C1orf21: variants seen among roughly 807,000 people sequenced by gnomAD.
C1orf21 encodes chromosome 1 open reading frame 21, also known as uncharacterized protein C1orf21.
A neutral mutation model predicts 18.7 loss-of-function variants in C1orf21; 3 were observed. The ratio of observed to expected loss-of-function variants is 0.16; its 90% CI spans 0.07 to 0.42. The LOEUF (loss-of-function observed/expected upper bound fraction) is 0.42, where lower values mean the gene tolerates loss of function less well. C1orf21 is among the 10% of genes least tolerant of loss of function. The pLI is 0.99. For missense variants in C1orf21, 104 were observed against 143.6 expected, an observed-to-expected ratio of 0.72 and a Z score of 1.41; for synonymous variants, 41 against 46.4, an observed-to-expected ratio of 0.88 and a Z score of 0.47.
chr1:184,604,050 G>C (rs1236839181), intron 5 of C1orf21, among the ~76,000 whole-genome samples: 1 of 152,162 alleles, frequency 6.6e-6, no homozygotes, highest in East Asian at 1.9e-4. Flanking sequence ...ATCAGAAGAC[G>C]TTTGCTTTTC....
intron 3 of C1orf21, among the ~76,000 whole-genome samples, chr1:184,527,139 C>T (rs923520230): frequency 2.6e-5 from 4 of 152,180 alleles, no homozygotes; most frequent in Non-Finnish European, 4.4e-5. Flanking sequence ...AATACCATGT[C>T]CTGATGCTTA....
chr1:184,534,279 A>G (rs1459963563), intron 3 of C1orf21, among the ~76,000 whole-genome samples: 1 of 152,228 alleles, frequency 6.6e-6, no homozygotes, highest in East Asian at 1.9e-4. Context: ...AGGGAAAAAG[A>G]AAAGCTCAGA....
chr1:184,410,620 TATATA>T (rs1656319935), intron 1 of C1orf21, among the ~76,000 whole-genome samples: 2 of 4,394 alleles, frequency 4.6e-4, no homozygotes, highest in Non-Finnish European at 6.0e-4. Flanking sequence ...ATATATATTA[TATATA>T]TATATATATA....
intron 1 of C1orf21, among the ~76,000 whole-genome samples, chr1:184,472,403 T>C (rs1471983908): frequency 1.3e-5 from 2 of 152,200 alleles, no homozygotes; most frequent in Non-Finnish European, 2.9e-5. Flanking sequence ...AGAATTTCTT[T>C]ATGGAATGTA....
At chr1:184,540,418 G>GT (rs1340437557) in intron 3 of C1orf21, among the ~76,000 whole-genome samples, 3 of 151,298 alleles carry the variant, frequency 2.0e-5, no homozygotes, top group Admixed American at 6.6e-5. Context: ...GGCTATAGGA[G>GT]TTTTTTTTGT....
At chr1:184,475,164 A>G (rs1657550652) in intron 1 of C1orf21, among the ~76,000 whole-genome samples, 1 of 152,154 alleles carries the variant, frequency 6.6e-6, no homozygotes, top group African/African-American at 2.4e-5. Flanking sequence ...AAAAACTATG[A>G]CAGGTTGACA....
At position 184,473,440 on chromosome 1, in the gene C1orf21, A is replaced by C. The variant is rs1048077724; in HGVS notation, c.-124-3946A>C. Among the ~76,000 whole-genome samples, 4 of 152,200 alleles carry C rather than the reference A, an allele frequency of 2.6e-5. No individual in the cohort carries two copies. In the South Asian group the frequency reaches 8.3e-4, roughly 32 times the overall value. On this transcript the variant is annotated intron_variant, in intron 1 of 5. Transcript: ENST00000235307. ...ATGTGAGGTTGGGAGAGAAAAGCTG[A>C]GCAAAGCGAATGAAAAAATGGAAGC...
chr1:184,450,252 C>T (rs1657102031), intron 1 of C1orf21, among the ~76,000 whole-genome samples: 1 of 152,106 alleles, frequency 6.6e-6, no homozygotes, highest in African/African-American at 2.4e-5. Flanking sequence ...GAGCACGCCA[C>T]CACACTGAAT....
chr1:184,539,527 C>T (rs1658613715), intron 3 of C1orf21, among the ~76,000 whole-genome samples: 1 of 152,156 alleles, frequency 6.6e-6, no homozygotes, highest in Admixed American at 6.5e-5. Flanking sequence ...TAAATGTTTC[C>T]TCTTCTTCAG....
At chr1:184,439,327 G>C (rs761078807) in intron 1 of C1orf21, among the ~76,000 whole-genome samples, 2 of 151,688 alleles carry the variant, frequency 1.3e-5, no homozygotes, top group Non-Finnish European at 2.9e-5. Flanking sequence ...CCACTCATTG[G>C]CTGTTTCACC....
At chr1:184,426,341 T>C (rs1361380204) in intron 1 of C1orf21, among the ~76,000 whole-genome samples, 1 of 152,160 alleles carries the variant, frequency 6.6e-6, no homozygotes, top group East Asian at 1.9e-4. Context: ...CCCTCTAATT[T>C]ATTCTGCAAG....
intron 3 of C1orf21, among the ~76,000 whole-genome samples, chr1:184,574,919 G>C (rs757562471): frequency 6.6e-6 from 1 of 152,184 alleles, no homozygotes; most frequent in Admixed American, 6.5e-5. Flanking sequence ...AGCTCAGCTC[G>C]GGTGTCTTAG....
intron 3 of C1orf21, among the ~76,000 whole-genome samples, chr1:184,513,874 C>T (rs186133096): frequency 7.9e-4 from 120 of 152,308 alleles, no homozygotes; most frequent in African/African-American, 2.8e-3. Context: ...AAGGTCTTTA[C>T]GTTCCCTCTT....
chr1:184,538,862 AT>A (rs1658600674), intron 3 of C1orf21, among the ~76,000 whole-genome samples: 1 of 152,198 alleles, frequency 6.6e-6, no homozygotes, highest in African/African-American at 2.4e-5. Context: ...TAATTTTGTA[AT>A]TAAGTCATTT....
At chr1:184,449,217 A>C (rs1571363017) in intron 1 of C1orf21, among the ~76,000 whole-genome samples, 1 of 138,894 alleles carries the variant, frequency 7.2e-6, no homozygotes, top group Admixed American at 7.9e-5. Context: ...ACCCTACAAC[A>C]GGCCCCGGTG....
At chr1:184,498,872 T>C (rs572437020) in intron 2 of C1orf21, among the ~76,000 whole-genome samples, 10 of 152,374 alleles carry the variant, frequency 6.6e-5, no homozygotes, top group African/African-American at 2.2e-4. Context: ...GCATGGGCTC[T>C]GAATCAGACC....
At chr1:184,469,164 T>C (rs533485332) in intron 1 of C1orf21, among the ~76,000 whole-genome samples, 4 of 152,128 alleles carry the variant, frequency 2.6e-5, no homozygotes, top group East Asian at 1.9e-4. Context: ...GCACGAGAAT[T>C]GCTTGAACCC....
intron 1 of C1orf21, among the ~76,000 whole-genome samples, chr1:184,418,680 C>A (rs1231569893): frequency 1.3e-5 from 2 of 152,178 alleles, no homozygotes; most frequent in Non-Finnish European, 2.9e-5. Flanking sequence ...TTTGTGGATT[C>A]ATTAATTTTG....
intron 3 of C1orf21, among the ~76,000 whole-genome samples, chr1:184,580,439 C>G (rs1659260089): frequency 6.6e-6 from 1 of 152,236 alleles, no homozygotes; most frequent in Non-Finnish European, 1.5e-5. Context: ...TAAGCTGAAC[C>G]AATTGAGATG....
Sources: allele counts gnomAD v4.1 joint callset (sites outside exome capture counted in the v4.1 genomes callset), GRCh38; gene constraint gnomAD v4.1.1; transcripts MANE v1.5; gene names NCBI Gene and HGNC (gene_info 2026-07-23, HGNC 2026-07-21).